ARID1B: variants seen among roughly 807,000 people sequenced by gnomAD.
ARID1B encodes AT-rich interactive domain-containing protein 1B.
A neutral mutation model predicts 212.3 loss-of-function variants in ARID1B; 30 were observed. The ratio of observed to expected loss-of-function variants is 0.14; its 90% CI spans 0.11 to 0.19. The LOEUF (loss-of-function observed/expected upper bound fraction) is 0.19, where lower values mean the gene tolerates loss of function less well. ARID1B is among the 10% of genes least tolerant of loss of function. The pLI, the probability that ARID1B is intolerant of heterozygous loss-of-function variation, is 1.00. For synonymous variants in ARID1B, 1,402 were observed against 1,301.7 expected (o/e 1.08, Z -1.66); for missense variants, 2,891 against 3,204.0 (o/e 0.90, Z 2.36).
intron 4 of ARID1B, among the ~76,000 whole-genome samples, chr6:157,029,362 G>A (rs778180935): frequency 6.6e-6 from 1 of 152,176 alleles, no homozygotes; most frequent in Non-Finnish European, 1.5e-5. Flanking sequence ...TCATACACAT[G>A]TATTTATATT....
chr6:157,135,040 CT>C (rs1344737752), intron 7 of ARID1B, among the ~76,000 whole-genome samples: 5 of 151,258 alleles, frequency 3.3e-5, no homozygotes, highest in African/African-American at 1.2e-4. Context: ...TAAGGAAGAA[CT>C]TTTGCTATAG....
intron 8 of ARID1B, among the ~76,000 whole-genome samples, chr6:157,160,705 C>G (rs1267280857): frequency 6.6e-6 from 1 of 152,138 alleles, no homozygotes; most frequent in Non-Finnish European, 1.5e-5. Flanking sequence ...TAAGCCTGGC[C>G]CCGCACCACT....
At chr6:156,856,694 TCTCTCTCACA>T (rs1386122208) in intron 2 of ARID1B, among the ~76,000 whole-genome samples, 5 of 83,306 alleles carry the variant, frequency 6.0e-5, no homozygotes, top group African/African-American at 2.4e-4. Flanking sequence ...TCTCTCTCTC[TCTCTCTCACA>T]CACACACACA....
chr6:157,073,469 T>G (rs1784112245), intron 4 of ARID1B, among the ~76,000 whole-genome samples: 1 of 152,222 alleles, frequency 6.6e-6, no homozygotes, highest in South Asian at 2.1e-4. Flanking sequence ...TTACTCAAAA[T>G]GTATTTTACC....
intron 13 of ARID1B, chr6:157,186,342 A>G (rs1674551844): frequency 2.3e-6 from 1 of 428,198 alleles, no homozygotes; most frequent in South Asian, 1.7e-5. Flanking sequence ...CTCCTGGTAT[A>G]CATTCTTCTC....
At chr6:156,950,363 G>C (rs1464067426) in intron 4 of ARID1B, among the ~76,000 whole-genome samples, 1 of 152,186 alleles carries the variant, frequency 6.6e-6, no homozygotes, top group African/African-American at 2.4e-5. Flanking sequence ...TTTAGTGGAA[G>C]ACCAAAGATG....
rs1283483653 is a variant in ARID1B, at chr6:156,805,731, A to G, written c.1792-23496A>G. 2.6e-5 allele frequency among the ~76,000 whole-genome samples: 4 copies of G among 152,250 alleles called. No homozygotes were observed. The East Asian group carries it at 7.7e-4, about 29-fold the overall frequency. On this transcript the variant is annotated intron_variant, in intron 1 of 19. Transcript: ENST00000636930. ...TTTTTTTTTAGAGACAGTGGAGTGC[A>G]GTGGCACCATTGTAACTCACTGCAG...
At chr6:157,039,882 T>TTCCTTCCTTCCTTCCTTCCTTC (rs1554287391) in intron 4 of ARID1B, among the ~76,000 whole-genome samples, 5 of 67,288 alleles carry the variant, frequency 7.4e-5, no homozygotes, top group African/African-American at 2.7e-4. Context: ...CTTTCTTTTC[T>TTCCTTCCTTCCTTCCTTCCTTC]CTTCCTTCCT....
intron 8 of ARID1B, among the ~76,000 whole-genome samples, chr6:157,161,195 C>T (rs1202227542): frequency 1.3e-5 from 2 of 152,176 alleles, no homozygotes; most frequent in African/African-American, 4.8e-5. Flanking sequence ...TACTTTTACA[C>T]GAATCTACAT....
intron 1 of ARID1B, among the ~76,000 whole-genome samples, chr6:156,807,290 C>T (rs1167194143): frequency 2.6e-5 from 4 of 152,050 alleles, no homozygotes; most frequent in African/African-American, 7.2e-5. Flanking sequence ...GTGTCGGAAA[C>T]GCCTTAAGCA....
At chr6:157,081,936 T>G (rs183287887) in intron 4 of ARID1B, among the ~76,000 whole-genome samples, 2 of 152,354 alleles carry the variant, frequency 1.3e-5, no homozygotes, top group East Asian at 3.9e-4. Flanking sequence ...AGGTTTTTTT[T>G]TCTTTAGAGA....
At chr6:156,858,473 A>T (rs908148043) in intron 2 of ARID1B, among the ~76,000 whole-genome samples, 1 of 152,238 alleles carries the variant, frequency 6.6e-6, no homozygotes, top group Non-Finnish European at 1.5e-5. Context: ...TTGTATCAAA[A>T]GATCACAAGA....
chr6:157,192,919 T>G (rs1038340257), intron 15 of ARID1B, among the ~76,000 whole-genome samples: 6 of 152,196 alleles, frequency 3.9e-5, no homozygotes, highest in African/African-American at 1.4e-4. Flanking sequence ...CTAACTTCAG[T>G]GGAAAACATA....
At chr6:156,877,708 CTT>C (rs527950418) in intron 2 of ARID1B, among the ~76,000 whole-genome samples, 30 of 142,002 alleles carry the variant, frequency 2.1e-4, no homozygotes, top group Non-Finnish European at 2.2e-4. Context: ...CATATTTATC[CTT>C]TTTTTTTTTT....
At chr6:157,186,787 A>G (rs1422259850) in intron 13 of ARID1B, among the ~76,000 whole-genome samples, 1 of 152,048 alleles carries the variant, frequency 6.6e-6, no homozygotes, top group Admixed American at 6.6e-5. Context: ...AACATTTTAG[A>G]TTTTTTTTCA....
chr6:157,138,844 T>C (rs1488370118), intron 7 of ARID1B, among the ~76,000 whole-genome samples: 4 of 152,248 alleles, frequency 2.6e-5, no homozygotes, highest in East Asian at 3.8e-4. Context: ...TATACTGTTA[T>C]GTTTTACTAA....
chr6:156,950,344 A>G (rs773988878), intron 4 of ARID1B, among the ~76,000 whole-genome samples: 1 of 152,250 alleles, frequency 6.6e-6, no homozygotes, highest in African/African-American at 2.4e-5. Context: ...ATGAAGGATA[A>G]CACAGGTCTT....
intron 2 of ARID1B, among the ~76,000 whole-genome samples, chr6:156,853,748 T>G (rs1201979673): frequency 6.6e-6 from 1 of 152,186 alleles, no homozygotes; most frequent in East Asian, 1.9e-4. Flanking sequence ...GTTTTTAGTT[T>G]TGTTTTAAGA....
intron 2 of ARID1B, among the ~76,000 whole-genome samples, chr6:156,883,612 C>G (rs1012558078): frequency 6.6e-6 from 1 of 152,168 alleles, no homozygotes; most frequent in Non-Finnish European, 1.5e-5. Context: ...AGCACTCGGC[C>G]CACGCTCCCC....
Sources: allele counts gnomAD v4.1 joint callset (sites outside exome capture counted in the v4.1 genomes callset), GRCh38; gene constraint gnomAD v4.1.1; transcripts MANE v1.5; gene names NCBI Gene and HGNC (gene_info 2026-07-23, HGNC 2026-07-21).